LRFN2: variants seen among roughly 807,000 people sequenced by gnomAD.
LRFN2 encodes the protein leucine-rich repeat and fibronectin type-III domain-containing protein 2.
LRFN2 carries 18 observed loss-of-function variants against 37.3 expected under a neutral mutation model. The observed-to-expected ratio is 0.48, with a 90% CI of 0.33 to 0.72. LRFN2 has a LOEUF of 0.72. Ranked by LOEUF, LRFN2 falls within the 30% of genes least tolerant of loss-of-function variation. The probability of loss-of-function intolerance (pLI) is 0.02; values close to 1 mark genes in which losing one functional copy is unlikely to be tolerated. For missense variants in LRFN2, 1,006 were observed against 1,060.7 expected (o/e 0.95, Z 0.72); for synonymous variants, 556 against 466.6 (o/e 1.19, Z -2.47).
chr6:40,559,567 C>G (rs541075754), intron 1 of LRFN2, among the ~76,000 whole-genome samples: 3 of 152,006 alleles, frequency 2.0e-5, no homozygotes, highest in Non-Finnish European at 4.4e-5. Context: ...GAAGAGGGAC[C>G]GAGGGGGCTA....
intron 1 of LRFN2, among the ~76,000 whole-genome samples, chr6:40,451,753 A>G (rs1286479933): frequency 6.6e-6 from 1 of 152,142 alleles, no homozygotes; most frequent in Non-Finnish European, 1.5e-5. Context: ...GCCACTCCCT[A>G]GTCACATGTG....
intron 1 of LRFN2, among the ~76,000 whole-genome samples, chr6:40,500,497 T>C (rs916406648): frequency 6.6e-6 from 1 of 152,196 alleles, no homozygotes; most frequent in South Asian, 2.1e-4. Flanking sequence ...CACAGCTTTA[T>C]AAAAAGTCCC....
intron 1 of LRFN2, among the ~76,000 whole-genome samples, chr6:40,496,079 G>A (rs141861367): frequency 1.7e-3 from 252 of 152,154 alleles, no homozygotes; most frequent in African/African-American, 5.7e-3. Flanking sequence ...AGATGCTCAA[G>A]CCAAAAGCTT....
At chr6:40,463,668 C>CTCTTT (rs1470775834) in intron 1 of LRFN2, among the ~76,000 whole-genome samples, 1 of 91,290 alleles carries the variant, frequency 1.1e-5, no homozygotes, top group East Asian at 3.9e-4. Context: ...TTCTTTCTTT[C>CTCTTT]TATTTTTTTT....
chr6:40,508,738 T>C (rs1472035027), intron 1 of LRFN2, among the ~76,000 whole-genome samples: 2 of 152,240 alleles, frequency 1.3e-5, no homozygotes, highest in African/African-American at 4.8e-5. Flanking sequence ...GACATTAGTG[T>C]TCCATAAATG....
intron 2 of LRFN2, among the ~76,000 whole-genome samples, chr6:40,399,086 G>A (rs1331147735): frequency 6.6e-6 from 1 of 151,906 alleles, no homozygotes; most frequent in South Asian, 2.1e-4. Context: ...GGCCGGAAGA[G>A]GGGAGAAGCC....
At chr6:40,454,177 T>A (rs1764185248) in intron 1 of LRFN2, among the ~76,000 whole-genome samples, 1 of 152,186 alleles carries the variant, frequency 6.6e-6, no homozygotes, top group South Asian at 2.1e-4. Flanking sequence ...TCCCAAGAGT[T>A]TGGTAGAGAC....
chr6:40,392,885 G>A lies in LRFN2; in HGVS notation c.1428C>T (p.Phe476=), dbSNP rs770532421. The change falls in exon 3 of 3, where the codon TTC becomes TTT. Residue 476 remains phenylalanine (F), a synonymous_variant. Coordinates refer to ENST00000338305, the MANE Select transcript of LRFN2 (RefSeq NM_020737.3). This position sits in a 1 kb window ranked among gnomAD's most constrained non-coding sequence, Gnocchi z 4.7. ...YRMIPASNKA[F]VVNNLVSGTG... ...TCCCTGACACCAGGTTGTTGACCAC[G>A]AAGGCCTTGTTGGAGGCTGGGATCA... The A allele has an allele frequency of 1.1e-5, 18 of 1,611,908 alleles. No homozygotes were observed. The highest frequency in any genetic ancestry group is 4.5e-5 in the East Asian group (2 of 44,862).
chr6:40,577,151 G>C (rs1405173515), intron 1 of LRFN2, among the ~76,000 whole-genome samples: 8 of 109,676 alleles, frequency 7.3e-5, no homozygotes. Context: ...ACCCAGGCTG[G>C]AGTGCAGTGG....
intron 1 of LRFN2, among the ~76,000 whole-genome samples, chr6:40,451,742 T>C (rs1764115423): frequency 6.6e-6 from 1 of 152,166 alleles, no homozygotes; most frequent in South Asian, 2.1e-4. Flanking sequence ...GCCAACTCTC[T>C]GCCACTCCCT....
intron 2 of LRFN2, among the ~76,000 whole-genome samples, chr6:40,408,270 G>C (rs939371453): frequency 6.6e-6 from 1 of 152,154 alleles, no homozygotes; most frequent in Non-Finnish European, 1.5e-5. Context: ...ATATCGCAAA[G>C]CCAATTCTAC....
intron 1 of LRFN2, among the ~76,000 whole-genome samples, chr6:40,457,014 A>G (rs1038166696): frequency 1.1e-4 from 17 of 152,042 alleles, no homozygotes; most frequent in Admixed American, 4.6e-4. Context: ...TCACCATCCA[A>G]TCCCCTCCAA....
chr6:40,528,066 C>T (rs1766286023), intron 1 of LRFN2, among the ~76,000 whole-genome samples: 1 of 152,210 alleles, frequency 6.6e-6, no homozygotes, highest in Non-Finnish European at 1.5e-5. Context: ...CTGATTAAGG[C>T]CAGAGTGGGA....
intron 1 of LRFN2, among the ~76,000 whole-genome samples, chr6:40,515,189 C>G (rs144659326): frequency 4.6e-5 from 7 of 152,286 alleles, no homozygotes; most frequent in African/African-American, 7.2e-5. Context: ...TGAACACACT[C>G]TGAGTAAAGG....
chr6:40,579,613 A>C (rs983421371), intron 1 of LRFN2, among the ~76,000 whole-genome samples: 3 of 144,970 alleles, frequency 2.1e-5, no homozygotes, highest in African/African-American at 5.0e-5. Context: ...AACACACACA[A>C]ACACACACAC....
chr6:40,485,498 A>G (rs756230706), intron 1 of LRFN2, among the ~76,000 whole-genome samples: 36 of 152,224 alleles, frequency 2.4e-4, no homozygotes, highest in Non-Finnish European at 4.6e-4. Context: ...TGCTGTCTGC[A>G]GCTGGGCCCC....
At chr6:40,461,590 A>G (rs1459657818) in intron 1 of LRFN2, among the ~76,000 whole-genome samples, 8 of 80,224 alleles carry the variant, frequency 1.0e-4, no homozygotes, top group African/African-American at 2.3e-4. Flanking sequence ...CCCCCCGACA[A>G]AAAAAAAAAA....
At chr6:40,474,383 C>G (rs1764666289) in intron 1 of LRFN2, among the ~76,000 whole-genome samples, 1 of 152,186 alleles carries the variant, frequency 6.6e-6, no homozygotes, top group Non-Finnish European at 1.5e-5. Context: ...CTGCCTCTGT[C>G]TTTACATGGC....
At chr6:40,518,064 C>T (rs893213010) in intron 1 of LRFN2, among the ~76,000 whole-genome samples, 1 of 152,114 alleles carries the variant, frequency 6.6e-6, no homozygotes, top group African/African-American at 2.4e-5. Flanking sequence ...AACCTGGATG[C>T]TAGTCCCAGT....
Sources: allele counts gnomAD v4.1 joint callset (sites outside exome capture counted in the v4.1 genomes callset), GRCh38; gene constraint gnomAD v4.1.1; non-coding constraint Gnocchi (gnomAD v3.1); transcripts MANE v1.5; gene names NCBI Gene and HGNC (gene_info 2026-07-23, HGNC 2026-07-21).